Variants in CADM2 observed in about 807,000 individuals in gnomAD.
CADM2 encodes immunoglobulin superfamily member 4D.
In CADM2, 12 loss-of-function variants were observed where a neutral mutation model predicts 49.8. The observed-to-expected ratio is 0.24, with a 90% CI of 0.15 to 0.39. The LOEUF is 0.39. Among genes scored for constraint, CADM2 ranks in the 10% least tolerant of loss-of-function variants. The probability of loss-of-function intolerance (pLI) is 1.00; values close to 1 mark genes in which losing one functional copy is unlikely to be tolerated. For synonymous variants in CADM2, 214 were observed against 175.4 expected, an observed-to-expected ratio of 1.22 and a Z score of -1.74; for missense variants, 378 against 492.3, an observed-to-expected ratio of 0.77 and a Z score of 2.20.
At chr3:85,176,501 G>T (rs1484416347) in intron 1 of CADM2, among the ~76,000 whole-genome samples, 1 of 152,106 alleles carries the variant, frequency 6.6e-6, no homozygotes, top group East Asian at 1.9e-4. Context: ...TCAGTAATGT[G>T]CAGTTTGCTT....
chr3:85,621,981 A>T (rs1363052017), intron 1 of CADM2, among the ~76,000 whole-genome samples: 1 of 152,240 alleles, frequency 6.6e-6, no homozygotes, highest in African/African-American at 2.4e-5. Context: ...GTTTTACAAA[A>T]TAAAAGTATA....
At chr3:85,129,042 A>T (rs557292959) in intron 1 of CADM2, among the ~76,000 whole-genome samples, 1 of 152,104 alleles carries the variant, frequency 6.6e-6, no homozygotes, top group Admixed American at 6.5e-5. Flanking sequence ...GTGTGTGTTC[A>T]TTTTTTCATT....
At chr3:85,905,310 T>C (rs984083170) in intron 5 of CADM2, among the ~76,000 whole-genome samples, 17 of 152,286 alleles carry the variant, frequency 1.1e-4, no homozygotes, top group African/African-American at 4.1e-4. Flanking sequence ...AAATATTTTG[T>C]CATATCCCTC....
chr3:85,934,848 T>C (rs1345358375), intron 6 of CADM2, among the ~76,000 whole-genome samples: 1 of 151,998 alleles, frequency 6.6e-6, no homozygotes, highest in East Asian at 1.9e-4. Flanking sequence ...ATAATTGTGA[T>C]CTTCTGGAGA....
chr3:85,172,936 TATATA>T (rs1224948475), intron 1 of CADM2, among the ~76,000 whole-genome samples: 4 of 144,572 alleles, frequency 2.8e-5, no homozygotes, highest in East Asian at 2.0e-4. Context: ...TATAATATAT[TATATA>T]ATATAATACA....
intron 1 of CADM2, among the ~76,000 whole-genome samples, chr3:85,028,839 A>G (rs2034848831): frequency 6.6e-6 from 1 of 151,948 alleles, no homozygotes; most frequent in African/African-American, 2.4e-5. Flanking sequence ...ACTGTCATTC[A>G]TTTGACATCT....
intron 1 of CADM2, among the ~76,000 whole-genome samples, chr3:85,600,813 T>C (rs2063369439): frequency 6.6e-6 from 1 of 151,528 alleles, no homozygotes; most frequent in South Asian, 2.1e-4. Flanking sequence ...TGGTGTTGAC[T>C]CTATAGAAAT....
chr3:85,555,881 A>G (rs537242107), intron 1 of CADM2, among the ~76,000 whole-genome samples: 29 of 152,274 alleles, frequency 1.9e-4, no homozygotes, highest in African/African-American at 6.7e-4. Context: ...TTAGACATTG[A>G]AATAGATTTT....
At chr3:86,001,233 C>T (rs1467422792) in intron 8 of CADM2, among the ~76,000 whole-genome samples, 2 of 152,020 alleles carry the variant, frequency 1.3e-5, no homozygotes, top group Non-Finnish European at 2.9e-5. Flanking sequence ...ATGTTGAGTT[C>T]GTTGGGTATT....
chr3:85,360,473 T>C (rs993029087), intron 1 of CADM2, among the ~76,000 whole-genome samples: 1 of 152,206 alleles, frequency 6.6e-6, no homozygotes, highest in Non-Finnish European at 1.5e-5. Context: ...TTTGGATTCA[T>C]GTATCTAATT....
intron 1 of CADM2, among the ~76,000 whole-genome samples, chr3:85,569,714 A>G (rs201938631): frequency 0.024 from 1,859 of 78,140 alleles, 46 homozygotes; most frequent in African/African-American, 0.053. Flanking sequence ...AAAAAAAAAA[A>G]GAAAAAAAAA....
chr3:85,000,191 GT>G (rs1156651259), intron 1 of CADM2, among the ~76,000 whole-genome samples: 2 of 148,960 alleles, frequency 1.3e-5, no homozygotes, highest in African/African-American at 2.5e-5. Flanking sequence ...ATAGCTCACT[GT>G]AACCTTGACT....
intron 1 of CADM2, among the ~76,000 whole-genome samples, chr3:85,382,390 G>A (rs2033957597): frequency 6.6e-6 from 1 of 152,076 alleles, no homozygotes; most frequent in South Asian, 2.1e-4. Flanking sequence ...GGATGGGATA[G>A]GAGTCAGGAG....
chr3:85,689,693 G>C (rs1376385216), intron 1 of CADM2, among the ~76,000 whole-genome samples: 1 of 152,276 alleles, frequency 6.6e-6, no homozygotes, highest in East Asian at 1.9e-4. Context: ...TCTAAGGTGT[G>C]GGGTATAGAG....
chr3:85,175,135 T>G (rs1045486333), intron 1 of CADM2, among the ~76,000 whole-genome samples: 1 of 151,964 alleles, frequency 6.6e-6, no homozygotes, highest in Non-Finnish European at 1.5e-5. Context: ...ATGAACACAA[T>G]CCAGAAAATA....
At chr3:85,352,722 TTA>T (rs1276150035) in intron 1 of CADM2, among the ~76,000 whole-genome samples, 1 of 152,128 alleles carries the variant, frequency 6.6e-6, no homozygotes, top group Non-Finnish European at 1.5e-5. Flanking sequence ...ATTTATAATT[TTA>T]TGAGTTAAAA....
chr3:85,011,702 G>A (rs142380967), intron 1 of CADM2, among the ~76,000 whole-genome samples: 1 of 152,102 alleles, frequency 6.6e-6, no homozygotes, highest in African/African-American at 2.4e-5. Flanking sequence ...GGGCAACACA[G>A]GGAGACCCCA....
chr3:85,806,787 C>T (rs1000594314), intron 3 of CADM2, among the ~76,000 whole-genome samples: 9 of 152,028 alleles, frequency 5.9e-5, no homozygotes, highest in Admixed American at 3.3e-4. Context: ...AGTGAATATT[C>T]GGGAATCTCT....
rs556575206 is a variant in CADM2, at chr3:85,465,335, T to C, written c.62-261187T>C. 2.0e-5 allele frequency among the ~76,000 whole-genome samples: 3 copies of C among 152,246 alleles called. No individual in the cohort carries two copies. In the South Asian group the frequency reaches 6.3e-4, roughly 32 times the overall value. ...ATCTGGTTTGAGATATAATCATCTTTAGTATTTGCCACTACCATCGACCAC... is the reference window on the plus strand; with the variant it reads ...ATCTGGTTTGAGATATAATCATCTTCAGTATTTGCCACTACCATCGACCAC... On this transcript the variant is annotated intron_variant, in intron 1 of 9. Coordinates refer to ENST00000383699, the MANE Select transcript of CADM2 (RefSeq NM_001167675.2).
Sources: allele counts gnomAD v4.1 joint callset (sites outside exome capture counted in the v4.1 genomes callset), GRCh38; gene constraint gnomAD v4.1.1; transcripts MANE v1.5; gene names NCBI Gene and HGNC (gene_info 2026-07-23, HGNC 2026-07-21).